Variants in CDH2 observed in about 807,000 individuals in gnomAD.
CDH2 encodes the protein cadherin-2.
Under a neutral mutation model 92.0 loss-of-function variants are expected in CDH2, and 17 were observed. That is an observed-to-expected ratio of 0.18 (90% CI 0.13 to 0.28). CDH2 has a LOEUF of 0.28. Ranked by LOEUF, CDH2 falls within the 10% of genes least tolerant of loss-of-function variation. The pLI is 1.00. For synonymous variants in CDH2, 419 were observed against 415.9 expected (o/e 1.01, Z -0.09); for missense variants, 862 against 1,133.1 (o/e 0.76, Z 3.44).
intron 2 of CDH2, among the ~76,000 whole-genome samples, chr18:28,033,794 C>T (rs1423507862): frequency 1.3e-5 from 2 of 152,026 alleles, no homozygotes; most frequent in African/African-American, 4.8e-5. Context: ...ATAGTCCAGC[C>T]AACAGGGGCA....
Position 28,013,808 on chromosome 18 carries a change from T to C in CDH2, c.274A>G (p.Ser92Gly), listed in dbSNP as rs150017015. ...GCATGCTCAGAAGAGAGTGGAAAGC[T>C]TCTCACGGCATACACCATGCCATCT... ...DEDGMVYAVR[S>G]FPLSSEHAKF... Residue 92 changes from serine to glycine, a missense_variant, in exon 3 of 16, where the codon AGC becomes GGC. By Grantham distance (56) the Ser-to-Gly change is moderately conservative (BLOSUM62 0). Around this residue, in one of 5 missense-constraint regions of CDH2, gnomAD observed 159 missense variants for 177.2 expected, o/e 0.90. Coordinates refer to ENST00000269141, the MANE Select transcript of CDH2 (RefSeq NM_001792.5). The C allele has an allele frequency of 3.5e-4, 568 of 1,614,004 alleles. No individual in the cohort carries two copies. Among genetic ancestry groups the C allele is most frequent in the Middle Eastern group, 9.9e-4 (6 of 6,060 alleles).
chr18:28,137,575 AAAAAACAAAAACAAAAAC>A (rs371188761), intron 2 of CDH2, among the ~76,000 whole-genome samples: 3 of 151,220 alleles, frequency 2.0e-5, no homozygotes, highest in South Asian at 2.1e-4. Context: ...ATTAAAGGCA[AAAAAACAAAAACAAAAAC>A]AAAAACAAAA....
chr18:28,128,161 A>G (rs1337563660), intron 2 of CDH2, among the ~76,000 whole-genome samples: 1 of 152,206 alleles, frequency 6.6e-6, no homozygotes, highest in Non-Finnish European at 1.5e-5. Flanking sequence ...TTAAAAGTGT[A>G]TCATAAAATT....
chr18:28,126,085 A>T (rs1453499842), intron 2 of CDH2, among the ~76,000 whole-genome samples: 1 of 152,226 alleles, frequency 6.6e-6, no homozygotes, highest in Non-Finnish European at 1.5e-5. Context: ...TGAGATTGTT[A>T]AAAGTTTATA....
chr18:28,068,150 C>T (rs189485283), intron 2 of CDH2, among the ~76,000 whole-genome samples: 346 of 152,260 alleles, frequency 2.3e-3, no homozygotes, highest in South Asian at 0.011. Flanking sequence ...AGGATCCCAC[C>T]GCTGAGTCCA....
intron 2 of CDH2, among the ~76,000 whole-genome samples, chr18:28,137,853 C>T (rs2015889956): frequency 6.6e-6 from 1 of 151,958 alleles, no homozygotes; most frequent in African/African-American, 2.4e-5. Flanking sequence ...TGATCTAAAT[C>T]CCGTTACTTT....
At chr18:27,989,325 G>A (rs1157104222) in intron 10 of CDH2, among the ~76,000 whole-genome samples, 2 of 152,074 alleles carry the variant, frequency 1.3e-5, no homozygotes, top group African/African-American at 2.4e-5. Context: ...GATTGGAAAA[G>A]GTATGCTATG....
At chr18:28,080,726 C>T (rs1054632810) in intron 2 of CDH2, among the ~76,000 whole-genome samples, 2 of 152,208 alleles carry the variant, frequency 1.3e-5, no homozygotes, top group African/African-American at 2.4e-5. Flanking sequence ...AATACTCCTT[C>T]ACTCAATCAG....
At chr18:28,074,404 T>C in intron 2 of CDH2, among the ~76,000 whole-genome samples, 1 of 152,216 alleles carries the variant, frequency 6.6e-6, no homozygotes, top group African/African-American at 2.4e-5. Context: ...TTAATGGGTC[T>C]TTAGTTTTTG....
At chr18:27,946,945 A>G (rs1256660801), downstream of CDH2, among the ~76,000 whole-genome samples, 1 of 151,948 alleles carries the variant, frequency 6.6e-6, no homozygotes, top group Non-Finnish European at 1.5e-5. Context: ...CAAAATTTCA[A>G]GGTAAGTGAA....
At chr18:28,053,904 G>A (rs2014242131) in intron 2 of CDH2, among the ~76,000 whole-genome samples, 1 of 152,102 alleles carries the variant, frequency 6.6e-6, no homozygotes, top group Admixed American at 6.6e-5. Context: ...GGGCTCCCGA[G>A]AATTTTAAGT....
At chr18:28,072,276 C>G (rs1430116583) in intron 2 of CDH2, among the ~76,000 whole-genome samples, 1 of 152,136 alleles carries the variant, frequency 6.6e-6, no homozygotes, top group Admixed American at 6.6e-5. Context: ...TAATCACCTA[C>G]CTGTCCACAA....
At chr18:27,983,930 C>T (rs959270259) in intron 13 of CDH2, among the ~76,000 whole-genome samples, 2 of 152,180 alleles carry the variant, frequency 1.3e-5, no homozygotes, top group Non-Finnish European at 2.9e-5. Flanking sequence ...AGTTTACATC[C>T]TGAAGCAAAA....
chr18:27,991,497 C>T (rs184219500), intron 9 of CDH2, among the ~76,000 whole-genome samples: 3 of 152,288 alleles, frequency 2.0e-5, no homozygotes, highest in Non-Finnish European at 2.9e-5. Context: ...CCACACGAAA[C>T]CTTCCCCTGA....
intron 1 of CDH2, among the ~76,000 whole-genome samples, chr18:28,171,304 T>C (rs1329931072): frequency 6.6e-6 from 1 of 152,034 alleles, no homozygotes; most frequent in Non-Finnish European, 1.5e-5. Flanking sequence ...CACTTATATT[T>C]TTAATGTTGA....
At chr18:27,978,732 G>A (rs921741834) in intron 14 of CDH2, among the ~76,000 whole-genome samples, 21 of 151,894 alleles carry the variant, frequency 1.4e-4, no homozygotes, top group African/African-American at 4.8e-4. Flanking sequence ...AGCTCACTGC[G>A]GCCTCGACCT....
intron 1 of CDH2, among the ~76,000 whole-genome samples, chr18:28,167,032 TAAAAAC>T (rs2016395817): frequency 6.6e-6 from 1 of 151,852 alleles, no homozygotes; most frequent in Admixed American, 6.6e-5. Context: ...TTTCCAAAAT[TAAAAAC>T]AAAAAACTGG....
At chr18:28,060,685 G>C (rs1319952519) in intron 2 of CDH2, among the ~76,000 whole-genome samples, 4 of 152,056 alleles carry the variant, frequency 2.6e-5, no homozygotes, top group Non-Finnish European at 5.9e-5. Context: ...AACTAAGTTG[G>C]CTTAGTTTTG....
chr18:28,027,175 A>T (rs1305650591), intron 2 of CDH2, among the ~76,000 whole-genome samples: 1 of 152,136 alleles, frequency 6.6e-6, no homozygotes, highest in Non-Finnish European at 1.5e-5. Flanking sequence ...AACTGGTGGT[A>T]ACTGTTAGTG....
Sources: gnomAD v4.1 joint callset for allele counts (sites outside exome capture counted in the v4.1 genomes callset) on GRCh38, gnomAD v4.1.1 for gene constraint, gnomAD v4.1.1 regional missense constraint, MANE v1.5 for transcripts, NCBI Gene and HGNC (gene_info 2026-07-23, HGNC 2026-07-21) for gene names.